The following ABLIM2 variants were observed in gnomAD, a reference collection of about 807,000 sequenced individuals.
ABLIM2 encodes the protein actin-binding LIM protein 2.
ABLIM2 carries 53 observed loss-of-function variants against 97.7 expected under a neutral mutation model. That is an observed-to-expected ratio of 0.54 (90% CI 0.44 to 0.68). The LOEUF is 0.68. Among genes scored for constraint, ABLIM2 ranks in the 30% least tolerant of loss-of-function variants. ABLIM2 has a pLI of 0.00. For missense variants in ABLIM2, 835 were observed against 867.2 expected, an observed-to-expected ratio of 0.96 and a Z score of 0.47; for synonymous variants, 361 against 345.8, an observed-to-expected ratio of 1.04 and a Z score of -0.49.
At chr4:8,037,244 G>A (rs560250268) in intron 9 of ABLIM2, among the ~76,000 whole-genome samples, 66 of 151,994 alleles carry the variant, frequency 4.3e-4, no homozygotes, top group African/African-American at 1.5e-3. Context: ...TGGATACAAA[G>A]GGTGATGATA....
chr4:8,018,657 G>A (rs1171181826), intron 14 of ABLIM2, among the ~76,000 whole-genome samples: 2 of 152,194 alleles, frequency 1.3e-5, no homozygotes, highest in African/African-American at 4.8e-5. Flanking sequence ...TGATTTGTCA[G>A]CAAGTCACAG....
At chr4:8,025,440 C>T (rs961853122) in intron 12 of ABLIM2, among the ~76,000 whole-genome samples, 3 of 152,054 alleles carry the variant, frequency 2.0e-5, no homozygotes, top group African/African-American at 7.2e-5. Flanking sequence ...GGTGGGTAGC[C>T]TCCAAACTGG....
At chr4:8,156,633 G>C (rs1032132331) in intron 1 of ABLIM2, among the ~76,000 whole-genome samples, 1 of 152,208 alleles carries the variant, frequency 6.6e-6, no homozygotes, top group African/African-American at 2.4e-5. Context: ...CTAAGCCTTC[G>C]GCCCATTTGG....
chr4:8,037,315 T>C (rs1466046291), intron 9 of ABLIM2, among the ~76,000 whole-genome samples: 1 of 146,258 alleles, frequency 6.8e-6, no homozygotes, highest in Non-Finnish European at 1.5e-5. Context: ...CGCACATGCA[T>C]GCGCACACAT....
In ABLIM2 at chr4:8,044,799, T is replaced by C. The variant is rs1159854146; in HGVS notation, c.900+365A>G. On this transcript the variant is annotated intron_variant, in intron 9 of 20. Coordinates refer to ENST00000447017, the MANE Select transcript of ABLIM2 (RefSeq NM_001130083.2). The surrounding 1 kb of genome is among the most constrained non-coding windows in gnomAD (Gnocchi z 4.4). ...TGATGTACACAGATCCGTGCCGTTA[T>C]TTGCAAACTCTGCAGGGTCCCGCCT... Among the ~76,000 whole-genome samples the C allele has an allele frequency of 6.6e-6, 1 of 152,114 alleles. No individual in the cohort carries two copies. Among genetic ancestry groups the C allele is most frequent in the Non-Finnish European group, 1.5e-5 (1 of 68,016 alleles).
At chr4:8,045,098 G>A (rs993538671) in intron 9 of ABLIM2, 66 bp downstream of exon 9, 27 of 1,465,712 alleles carry the variant, frequency 1.8e-5, no homozygotes, top group Middle Eastern at 2.0e-4. Context: ...GCTTAGCCAC[G>A]GCCACCGGGC....
chr4:8,080,840 T>C (rs377188988), intron 4 of ABLIM2, 38 bp from the exon 5 acceptor site: 385 of 1,572,066 alleles, frequency 2.4e-4, no homozygotes, highest in Admixed American at 3.5e-4. Context: ...ACCCCCACCA[T>C]TGTGAGAGGT....
At position 8,072,680 on chromosome 4, in the gene ABLIM2, C is replaced by T. The variant is rs555759718; in HGVS notation, c.675+4948G>A. 6.6e-4 allele frequency among the ~76,000 whole-genome samples: 101 copies of T among 152,384 alleles called. No individual in the cohort carries two copies. The highest frequency in any genetic ancestry group is 2.4e-3 in the African/African-American group (98 of 41,598). ...TGGCTCTGCCACCGACTCTCAGTGG[C>T]TGATGGCCGGGCACGTGGGTGGATC... On this transcript the variant is annotated intron_variant, in intron 6 of 20. Coordinates refer to ENST00000447017, the MANE Select transcript of ABLIM2 (RefSeq NM_001130083.2). This position sits in a 1 kb window ranked among gnomAD's most constrained non-coding sequence, Gnocchi z 5.8.
rs556297639 is a variant in ABLIM2, at chr4:8,052,798, C to T, written c.822+1390G>A. On this transcript the variant is annotated intron_variant, in intron 8 of 20. Transcript: ENST00000447017. The stretch of plus-strand genomic sequence containing the variant: ...ACACTCTGAATGCCCCACTTTGTTC[C>T]CTGCAGGCACAGCTGCTCAAACAAG... 2.1e-3 allele frequency among the ~76,000 whole-genome samples: 315 copies of T among 152,382 alleles called. 1 individual carries two copies. Among genetic ancestry groups the T allele is most frequent in the South Asian group, 8.7e-3 (42 of 4,834 alleles).
At chr4:8,012,967 C>T (rs1350227255) in intron 14 of ABLIM2, among the ~76,000 whole-genome samples, 2 of 152,210 alleles carry the variant, frequency 1.3e-5, no homozygotes, top group Non-Finnish European at 2.9e-5. Flanking sequence ...TGAGTGCCTA[C>T]TGTGCACTGT....
chr4:8,154,120 G>A (rs182649832), intron 1 of ABLIM2, among the ~76,000 whole-genome samples: 58 of 148,744 alleles, frequency 3.9e-4, no homozygotes, highest in African/African-American at 1.2e-3. Context: ...CTGCCACCAC[G>A]CCCAGCTAAT....
chr4:7,982,622 G>T lies in ABLIM2; in HGVS notation c.1824+642C>A, dbSNP rs373384949. 3.9e-5 allele frequency among the ~76,000 whole-genome samples: 6 copies of T among 152,172 alleles called. No individual in the cohort carries two copies. The East Asian group carries it at 1.2e-3, about 29-fold the overall frequency. On this transcript the variant is annotated intron_variant, in intron 20 of 20. Transcript: ENST00000447017. ...TGCATTTGTCCGGTTATTTTAGATG[G>T]GTGTAAGTGTGGTCGGGTGGGAAGC...
intron 2 of ABLIM2, among the ~76,000 whole-genome samples, chr4:8,098,626 A>G (rs980471239): frequency 3.9e-5 from 6 of 152,172 alleles, no homozygotes; most frequent in Non-Finnish European, 8.8e-5. Context: ...CGAGCAGCTT[A>G]GATTCCAGAT....
rs1772034542 is a variant in ABLIM2, at chr4:8,019,578, T to A, written c.1423+40A>T. 1 of 1,582,528 alleles carries A rather than the reference T, an allele frequency of 6.3e-7. No individual in the cohort carries two copies. Reference sequence around the variant, plus strand: ...AGAAGCAGATGGGTATTGACAGGCATGCGGGGCAAACCACAGCAGCGGGAG... The same window carrying A: ...AGAAGCAGATGGGTATTGACAGGCAAGCGGGGCAAACCACAGCAGCGGGAG... On this transcript the variant is annotated intron_variant, in intron 14 of 20. Coordinates refer to ENST00000447017, the MANE Select transcript of ABLIM2 (RefSeq NM_001130083.2). The surrounding 1 kb of genome is among the most constrained non-coding windows in gnomAD (Gnocchi z 4.3).
At chr4:8,026,453 G>C (rs1173946749) in intron 12 of ABLIM2, among the ~76,000 whole-genome samples, 1 of 152,266 alleles carries the variant, frequency 6.6e-6, no homozygotes, top group Non-Finnish European at 1.5e-5. Context: ...GGTACACGGA[G>C]AGGTGTGCAG....
chr4:8,111,429 A>T (rs1360579568), intron 1 of ABLIM2, among the ~76,000 whole-genome samples: 2 of 152,264 alleles, frequency 1.3e-5, no homozygotes. Context: ...CCAAACCCAT[A>T]GAACCTATAA....
At chr4:8,115,307 G>A (rs958858634) in intron 1 of ABLIM2, among the ~76,000 whole-genome samples, 2 of 152,082 alleles carry the variant, frequency 1.3e-5, no homozygotes, top group South Asian at 2.1e-4. Flanking sequence ...TCTGTCCAGC[G>A]AACCAGCTCA....
At chr4:8,154,919 G>A (rs146757993) in intron 1 of ABLIM2, among the ~76,000 whole-genome samples, 31 of 152,360 alleles carry the variant, frequency 2.0e-4, no homozygotes, top group African/African-American at 7.0e-4. Context: ...GCAAAGGGAC[G>A]TCTCACATGG....
chr4:8,038,452 C>A (rs971808463), intron 9 of ABLIM2, among the ~76,000 whole-genome samples: 1 of 152,156 alleles, frequency 6.6e-6, no homozygotes, highest in Non-Finnish European at 1.5e-5. Context: ...CTCATTATGG[C>A]CCCCAAACTT....
Sources: allele counts gnomAD v4.1 joint callset (sites outside exome capture counted in the v4.1 genomes callset), GRCh38; gene constraint gnomAD v4.1.1; non-coding constraint Gnocchi (gnomAD v3.1); transcripts MANE v1.5; gene names NCBI Gene and HGNC (gene_info 2026-07-23, HGNC 2026-07-21).